The following CAMKK1 variants were observed in gnomAD, a reference collection of about 807,000 sequenced individuals.
The protein encoded by CAMKK1 is calcium/calmodulin-dependent protein kinase kinase 1.
In CAMKK1, 20 loss-of-function variants were observed where a neutral mutation model predicts 63.5. The observed-to-expected ratio is 0.32, with a 90% CI of 0.22 to 0.46. The LOEUF (loss-of-function observed/expected upper bound fraction) is 0.46. Among genes scored for constraint, CAMKK1 ranks in the 20% least tolerant of loss-of-function variants. The pLI, the probability that CAMKK1 is intolerant of heterozygous loss-of-function variation, is 1.00. For synonymous variants in CAMKK1, 253 were observed against 269.0 expected, an observed-to-expected ratio of 0.94 and a Z score of 0.58; for missense variants, 588 against 658.1, an observed-to-expected ratio of 0.89 and a Z score of 1.17.
chr17:3,876,460 G>A (rs1286487934), intron 9 of CAMKK1, 38 bp from the exon 10 acceptor site: 4 of 1,570,300 alleles, frequency 2.5e-6, no homozygotes, highest in East Asian at 4.5e-5. Context: ...CGCTGGCCTG[G>A]GCACCGCTGG....
chr17:3,863,836 G>GT (rs2143772392), intron 15 of CAMKK1, among the ~76,000 whole-genome samples: 1 of 152,284 alleles, frequency 6.6e-6, no homozygotes, highest in South Asian at 2.1e-4. Flanking sequence ...GACACTAAAT[G>GT]TATCCTTATC....
In CAMKK1 at chr17:3,873,431, A is replaced by G. The variant is rs1238145627; in HGVS notation, c.1028T>C (p.Leu343Ser). 3.1e-6 allele frequency: 5 copies of G among 1,614,032 alleles called. No homozygotes were observed. The highest frequency in any genetic ancestry group is 4.2e-6 in the Non-Finnish European group (5 of 1,180,042). The change falls in exon 11 of 16, where the codon TTG (leucine) becomes TCG (serine). Residue 343 changes from leucine to serine, a missense_variant. Transcript: ENST00000348335. ...CACCTTCCCATAGACAAAGCAGTACAACGTGACGCCAGTGGCCCATACATC... is the reference window on the plus strand; with the variant it reads ...CACCTTCCCATAGACAAAGCAGTACGACGTGACGCCAGTGGCCCATACATC... ...ALDVWATGVT[L>S]YCFVYGKCPF... is the part of the protein sequence containing the mutation.
At position 3,869,463 on chromosome 17, in the gene CAMKK1, G is replaced by A. The variant is rs762510690; in HGVS notation, c.1341+24C>T. Reference sequence around the variant, plus strand: ...GTCCCCCAGGCCCTCCAGGACAAGGGAGCATCTACCCCGGCTCTCTTACCA... The same window carrying A: ...GTCCCCCAGGCCCTCCAGGACAAGGAAGCATCTACCCCGGCTCTCTTACCA... On this transcript the variant is annotated intron_variant, in intron 14 of 15. Transcript: ENST00000348335. The A allele has an allele frequency of 8.7e-6, 14 of 1,613,960 alleles. No homozygotes were observed. In the Middle Eastern group the frequency reaches 5.0e-4, roughly 57 times the overall value.
intron 11 of CAMKK1, among the ~76,000 whole-genome samples, chr17:3,873,203 G>C (rs960227078): frequency 6.6e-6 from 1 of 152,230 alleles, no homozygotes; most frequent in African/African-American, 2.4e-5. Flanking sequence ...CTCCCCTTAG[G>C]TGTCTGCTGT....
intron 14 of CAMKK1, among the ~76,000 whole-genome samples, chr17:3,867,495 A>C (rs961421426): frequency 1.3e-5 from 2 of 152,126 alleles, no homozygotes. Flanking sequence ...CTGGGTGCTG[A>C]GTTGAGCATT....
chr17:3,886,768 C>G (rs916402769), intron 1 of CAMKK1, among the ~76,000 whole-genome samples: 2 of 152,100 alleles, frequency 1.3e-5, no homozygotes, highest in African/African-American at 2.4e-5. Context: ...TCACCTTCAG[C>G]CATGACCCTG....
chr17:3,871,347 GTTTTTTT>G (rs869219931), intron 12 of CAMKK1, among the ~76,000 whole-genome samples: 5 of 104,358 alleles, frequency 4.8e-5, no homozygotes, highest in South Asian at 3.3e-4. Context: ...TTTTTTTTTT[GTTTTTTT>G]TTTTTTTTTT....
chr17:3,864,133 T>TC (rs1339824081), intron 15 of CAMKK1, among the ~76,000 whole-genome samples: 2 of 150,946 alleles, frequency 1.3e-5, no homozygotes, highest in Non-Finnish European at 3.0e-5. Context: ...TTTTTTTTTT[T>TC]AGAGATGGGG....
In CAMKK1 at chr17:3,883,415, C is replaced by T. The variant is rs1166828193; in HGVS notation, c.514+14G>A. On this transcript the variant is annotated intron_variant, in intron 5 of 15. Coordinates refer to ENST00000348335, the MANE Select transcript of CAMKK1 (RefSeq NM_032294.3). The surrounding 1 kb of genome is among the most constrained non-coding windows in gnomAD (Gnocchi z 4.7). The stretch of plus-strand genomic sequence containing the variant: ...GGCTAGGAGCTCCCAGGGACAGGAT[C>T]AGAAGATACATACGTGGAAAGCCAT... 1 of 1,612,136 alleles carries T rather than the reference C, an allele frequency of 6.2e-7. No individual in the cohort carries two copies. Among genetic ancestry groups the T allele is most frequent in the Admixed American group, 1.7e-5 (1 of 60,024 alleles).
At position 3,883,442 on chromosome 17, in the gene CAMKK1, C is replaced by T; in HGVS notation, c.501G>A (p.Gln167=). 1 of 1,613,944 alleles carries T rather than the reference C, an allele frequency of 6.2e-7. No individual in the cohort carries two copies. Among genetic ancestry groups the T allele is most frequent in the Non-Finnish European group, 8.5e-7 (1 of 1,179,826 alleles). ...GAAGATACATACGTGGAAAGCCATA[C>T]TGCTTCAGTAACTTCTTTTTGGAAA... ...KVLSKKKLLK[Q]YGFPRRPPPR... Residue 167 remains glutamine, a synonymous_variant, in exon 5 of 16, where the codon CAG becomes CAA. Transcript: ENST00000348335. The surrounding 1 kb of genome is among the most constrained non-coding windows in gnomAD (Gnocchi z 4.7).
chr17:3,891,200 ACT>A (rs2055890310), intron 1 of CAMKK1, among the ~76,000 whole-genome samples: 1 of 151,420 alleles, frequency 6.6e-6, no homozygotes. Flanking sequence ...TGTCTGCCAG[ACT>A]CTGTGCAAGC....
rs1597484731 is a variant in CAMKK1 at position 3,884,387 on chromosome 17, A to G, written c.401T>C (p.Ile134Thr). 1 of 1,613,812 alleles carries G rather than the reference A, an allele frequency of 6.2e-7. No individual in the cohort carries two copies. Among genetic ancestry groups the G allele is most frequent in the Non-Finnish European group, 8.5e-7 (1 of 1,179,896 alleles). ...QLNQYKLQSEIGKGAYGVVRL... is the reference protein window; with the variant it reads ...QLNQYKLQSETGKGAYGVVRL... ...CGGCCTGCCCACTCCTACCTTGCCA[A>G]TCTCACTCTGCAGCTTGTACTGGTT... The change falls in exon 3 of 16, where the codon ATT (isoleucine) becomes ACT (threonine). Residue 134 changes from isoleucine to threonine, a missense_variant. This residue lies in a region of CAMKK1 where 357 missense variants were observed against 407.4 expected (regional missense o/e 0.88). Coordinates refer to ENST00000348335, the MANE Select transcript of CAMKK1 (RefSeq NM_032294.3). The surrounding 1 kb of genome is among the most constrained non-coding windows in gnomAD (Gnocchi z 4.5).
In CAMKK1 at chr17:3,869,579, G is replaced by T. The variant is rs1171149650; in HGVS notation, c.1249C>A (p.Leu417Ile). 5.0e-6 allele frequency: 8 copies of T among 1,614,098 alleles called. No homozygotes were observed. Among genetic ancestry groups the T allele is most frequent in the Non-Finnish European group, 6.8e-6 (8 of 1,180,060 alleles). The change falls in exon 14 of 16, where the codon CTT (leucine) becomes ATT (isoleucine). Residue 417 changes from leucine (L) to isoleucine (I), a missense_variant. Physicochemically the swap from Leu to Ile is conservative, Grantham distance 5. This residue lies in a region of CAMKK1 where 226 missense variants were observed against 229.2 expected (regional missense o/e 0.99). Transcript: ENST00000348335. ...CTGCAGTGCTCCTCCTCCGAAGGAA[G>T]GGGCTCCTCCCCGTTCTTGGTCACC... ...PWVTKNGEEPLPSEEEHCSVV... is the reference protein window; with the variant it reads ...PWVTKNGEEPIPSEEEHCSVV...
At position 3,880,483 on chromosome 17, in the gene CAMKK1, C is replaced by T. The variant is rs375338007; in HGVS notation, c.708-49G>A. On this transcript the variant is annotated intron_variant, in intron 8 of 15. Transcript: ENST00000348335. ...GGCATTCAGCTGAAATCAGGGCACC[C>T]GGCCATTCAGGTGGTCGGGACGTCC... is the stretch of plus-strand genomic sequence containing the variant. 70 of 1,498,728 alleles carry T rather than the reference C, an allele frequency of 4.7e-5. No individual in the cohort carries two copies. The East Asian group carries it at 6.1e-4, about 13-fold the overall frequency. 92.8% of individuals were successfully genotyped at this position (1,498,728 alleles called of 1,614,324 possible).
At chr17:3,871,077 G>A (rs571353027) in intron 12 of CAMKK1, among the ~76,000 whole-genome samples, 1 of 152,284 alleles carries the variant, frequency 6.6e-6, no homozygotes, top group South Asian at 2.1e-4. Context: ...CTTTATCAGG[G>A]CTGTCCCCGC....
intron 15 of CAMKK1, among the ~76,000 whole-genome samples, chr17:3,864,521 C>T (rs528078239): frequency 2.1e-4 from 32 of 152,296 alleles, no homozygotes; most frequent in South Asian, 6.2e-4. Flanking sequence ...GCTGGGATTA[C>T]AGGCGTGAGC....
At position 3,889,058 on chromosome 17, in the gene CAMKK1, G is replaced by C. The variant is rs545794266; in HGVS notation, c.-43-3328C>G. ...CTCCGTGTACCTATGCCCAGGGTAG[G>C]GGGGTGGTCCGCGCCCCTGGGGGCC... On this transcript the variant is annotated intron_variant, in intron 1 of 15. Coordinates refer to ENST00000348335, the MANE Select transcript of CAMKK1 (RefSeq NM_032294.3). The surrounding 1 kb of genome is among the most constrained non-coding windows in gnomAD (Gnocchi z 5.2). Among the ~76,000 whole-genome samples, 3 of 152,246 alleles carry C rather than the reference G, an allele frequency of 2.0e-5. No individual in the cohort carries two copies. The East Asian group carries it at 5.8e-4, about 29-fold the overall frequency.
intron 9 of CAMKK1, among the ~76,000 whole-genome samples, chr17:3,877,628 C>T (rs1168060813): frequency 1.3e-5 from 2 of 152,096 alleles, no homozygotes; most frequent in African/African-American, 2.4e-5. Flanking sequence ...AGGGAGGCTG[C>T]GGGCAGAGAA....
In CAMKK1 at chr17:3,884,432, G is replaced by A. The variant is rs3809803; in HGVS notation, c.361-5C>T. On this transcript the variant is annotated splice_polypyrimidine_tract_variant and splice_region_variant and intron_variant, in intron 2 of 15. Transcript: ENST00000348335. The surrounding 1 kb of genome is among the most constrained non-coding windows in gnomAD (Gnocchi z 4.5). ...CTGGTTCAGCTGCACGCAGTCCTGTGGGGGAAGAGCGAGCACCAGGTGGAG... is the reference window on the plus strand; with the variant it reads ...CTGGTTCAGCTGCACGCAGTCCTGTAGGGGAAGAGCGAGCACCAGGTGGAG... The A allele has an allele frequency of 0.074, 118,726 of 1,612,824 alleles. 4,778 individuals carry two copies. Among genetic ancestry groups the A allele is most frequent in the East Asian group, 0.13 (5,830 of 44,860 alleles).
Sources: gnomAD v4.1 joint callset for allele counts (sites outside exome capture counted in the v4.1 genomes callset) on GRCh38, gnomAD v4.1.1 for gene constraint, gnomAD v4.1.1 regional missense constraint, Gnocchi (gnomAD v3.1) non-coding constraint, MANE v1.5 for transcripts, NCBI Gene and HGNC (gene_info 2026-07-23, HGNC 2026-07-21) for gene names.